INTS9: variants seen among roughly 807,000 people sequenced by gnomAD.
INTS9 encodes the protein integrator complex subunit 9, also known as protein related to CPSF subunits of 74 kDa.
A neutral mutation model predicts 79.7 loss-of-function variants in INTS9; 55 were observed. The observed-to-expected ratio is 0.69, with a 90% CI of 0.56 to 0.86. The LOEUF (loss-of-function observed/expected upper bound fraction) is 0.86. Among genes scored for constraint, INTS9 ranks in the 40% least tolerant of loss-of-function variants. The pLI is 0.00. For missense variants in INTS9, 721 were observed against 831.5 expected, an observed-to-expected ratio of 0.87 and a Z score of 1.64; for synonymous variants, 319 against 325.2, an observed-to-expected ratio of 0.98 and a Z score of 0.20.
intron 1 of INTS9, among the ~76,000 whole-genome samples, chr8:28,870,754 C>G (rs1244562007): frequency 6.6e-6 from 1 of 152,110 alleles, no homozygotes; most frequent in African/African-American, 2.4e-5. Context: ...GGAAGGGGTT[C>G]CCTAACTCAA....
At position 28,777,583 on chromosome 8, in the gene INTS9, G is replaced by A. The variant is rs529545261; in HGVS notation, c.1395+246C>T. 9.1e-4 allele frequency among the ~76,000 whole-genome samples: 137 copies of A among 151,214 alleles called. 2 individuals are homozygous for A. Among genetic ancestry groups the A allele is most frequent in the African/African-American group, 3.1e-3 (127 of 41,108 alleles). ...GGGGTGAGAGGGTTTGCTTTTAAGC[G>A]GACACAGATGGTTTTCTTTCCCTTC... On this transcript the variant is annotated intron_variant, in intron 13 of 16. Coordinates refer to ENST00000521022, the MANE Select transcript of INTS9 (RefSeq NM_018250.4).
At chr8:28,782,864 T>TA (rs904468629) in intron 11 of INTS9, among the ~76,000 whole-genome samples, 10 of 151,710 alleles carry the variant, frequency 6.6e-5, no homozygotes, top group African/African-American at 2.2e-4. Flanking sequence ...ACCCTGTCAC[T>TA]AAAAAAAACA....
intron 6 of INTS9, among the ~76,000 whole-genome samples, chr8:28,831,801 C>T (rs954250513): frequency 3.3e-5 from 5 of 152,170 alleles, no homozygotes; most frequent in African/African-American, 1.2e-4. Flanking sequence ...CAGGTTCAAG[C>T]GACTCTCCTG....
intron 1 of INTS9, among the ~76,000 whole-genome samples, chr8:28,871,194 A>T (rs1365861433): frequency 2.6e-5 from 4 of 152,196 alleles, no homozygotes; most frequent in African/African-American, 7.2e-5. Flanking sequence ...AGACTTTGGG[A>T]GAGAACGGAA....
chr8:28,816,807 C>T (rs1369627915), intron 6 of INTS9, among the ~76,000 whole-genome samples: 1 of 151,348 alleles, frequency 6.6e-6, no homozygotes, highest in Non-Finnish European at 1.5e-5. Flanking sequence ...ACATCCTCTC[C>T]AGCACCTGTT....
At chr8:28,833,651 A>G (rs946812803) in intron 6 of INTS9, among the ~76,000 whole-genome samples, 1 of 141,338 alleles carries the variant, frequency 7.1e-6, no homozygotes, top group Non-Finnish European at 1.5e-5. Context: ...AACAAAAACC[A>G]AAAAAAAAAC....
chr8:28,819,867 T>A (rs34929810), intron 6 of INTS9, among the ~76,000 whole-genome samples: 30,832 of 152,130 alleles, frequency 0.2, 3,527 homozygotes, highest in East Asian at 0.47. Flanking sequence ...TTAGGATAGT[T>A]AGTTCTTCTT....
At chr8:28,871,580 T>C (rs1338307447) in intron 1 of INTS9, among the ~76,000 whole-genome samples, 1 of 151,904 alleles carries the variant, frequency 6.6e-6, no homozygotes, top group Non-Finnish European at 1.5e-5. Context: ...AATTTTTGTA[T>C]TTTTTTGTGG....
chr8:28,767,989 TC>T lies in INTS9; in HGVS notation c.*156del. The T allele has an allele frequency of 1.4e-6, 1 of 705,098 alleles. No individual in the cohort carries two copies. The allele number at this position is 705,098 out of a possible 1,614,324, so 43.7% of individuals were successfully genotyped here. A position where few individuals can be genotyped will look rare whatever the true frequency, so the allele number is the denominator to read the frequency against. On this transcript the variant is annotated 3_prime_UTR_variant, in exon 17 of 17. Transcript: ENST00000521022. ...TGCCTGAAACAGTGCTGGGAATAAG[TC>T]CAGACCATTTCCCTCAAGAGCCACC...
At chr8:28,871,201 G>A (rs912729120) in intron 1 of INTS9, among the ~76,000 whole-genome samples, 3 of 152,112 alleles carry the variant, frequency 2.0e-5, no homozygotes, top group East Asian at 1.9e-4. Flanking sequence ...GGGAGAGAAC[G>A]GAAGCAGTAG....
At chr8:28,776,476 C>A (rs1271461055) in intron 13 of INTS9, among the ~76,000 whole-genome samples, 5 of 126,080 alleles carry the variant, frequency 4.0e-5, no homozygotes, top group Non-Finnish European at 6.9e-5. Context: ...TTTTTGTTAT[C>A]TTGAGAAAAA....
chr8:28,793,671 C>T, intron 10 of INTS9, 136 bp downstream of exon 10: 1 of 863,454 alleles, frequency 1.2e-6, no homozygotes, highest in Non-Finnish European at 1.7e-6. Context: ...ATAATGCAAT[C>T]TTATCACAGA....
chr8:28,782,905 T>C (rs1044106121), intron 11 of INTS9, among the ~76,000 whole-genome samples: 1 of 152,098 alleles, frequency 6.6e-6, no homozygotes, highest in Non-Finnish European at 1.5e-5. Context: ...CCCAGCACTT[T>C]GGGATGCTCA....
At chr8:28,868,639 G>A (rs189203810) in intron 1 of INTS9, among the ~76,000 whole-genome samples, 134 of 152,102 alleles carry the variant, frequency 8.8e-4, no homozygotes, top group African/African-American at 3.0e-3. Flanking sequence ...AAATTCTATG[G>A]GTCTCAAATA....
rs993020775 is a variant in INTS9 at position 28,799,228 on chromosome 8, G to A, written c.745-2573C>T. ...GGAGAATTGTTTGAACCCGGGAGGC[G>A]GAGGTTGCAGTGAGCCAAGATCACA... On this transcript the variant is annotated intron_variant, in intron 8 of 16. Transcript: ENST00000521022. Among the ~76,000 whole-genome samples the A allele has an allele frequency of 3.3e-5, 5 of 152,078 alleles. No homozygotes were observed. The East Asian group carries it at 5.8e-4, about 18-fold the overall frequency.
chr8:28,880,835 C>A, intron 1 of INTS9, among the ~76,000 whole-genome samples: 2 of 147,594 alleles, frequency 1.4e-5, no homozygotes, highest in African/African-American at 5.0e-5. Context: ...CGCCGCCATC[C>A]CATCTAGGAA....
rs563568995 is a variant in INTS9, at chr8:28,849,253, C to T, written c.198+960G>A. Among the ~76,000 whole-genome samples the T allele has an allele frequency of 5.9e-5, 9 of 152,274 alleles. No individual in the cohort carries two copies. In the South Asian group the frequency reaches 1.5e-3, roughly 25 times the overall value. ...CTTTACAGTCTTTAACCTTCTTATA[C>T]CTCTGATTTTAGTACGAAGTTTGAC... On this transcript the variant is annotated intron_variant, in intron 3 of 16. Coordinates refer to ENST00000521022, the MANE Select transcript of INTS9 (RefSeq NM_018250.4).
intron 6 of INTS9, among the ~76,000 whole-genome samples, chr8:28,819,797 T>C (rs1805719336): frequency 6.6e-6 from 1 of 152,208 alleles, no homozygotes; most frequent in South Asian, 2.1e-4. Flanking sequence ...TAAGTCTCTT[T>C]GTAGGTCACT....
At chr8:28,881,095 C>A (rs1200175861) in intron 1 of INTS9, among the ~76,000 whole-genome samples, 1 of 147,646 alleles carries the variant, frequency 6.8e-6, no homozygotes, top group Non-Finnish European at 1.5e-5. Flanking sequence ...AGCGTCTCCG[C>A]CCGGCAGCCA....
Sources: gnomAD v4.1 joint callset for allele counts (sites outside exome capture counted in the v4.1 genomes callset) on GRCh38, gnomAD v4.1.1 for gene constraint, MANE v1.5 for transcripts, NCBI Gene and HGNC (gene_info 2026-07-23, HGNC 2026-07-21) for gene names.